Variants in SCG5 observed in about 807,000 individuals in gnomAD.
SCG5 encodes neuroendocrine protein 7B2.
A neutral mutation model predicts 25.7 loss-of-function variants in SCG5; 18 were observed. The observed-to-expected ratio is 0.70, with a 90% CI of 0.48 to 1.04. The LOEUF (loss-of-function observed/expected upper bound fraction) is 1.04. Among genes scored for constraint, SCG5 ranks in the 50% least tolerant of loss-of-function variants. The pLI is 0.00. For synonymous variants in SCG5, 101 were observed against 91.7 expected, an observed-to-expected ratio of 1.10 and a Z score of -0.58; for missense variants, 206 against 259.8, an observed-to-expected ratio of 0.79 and a Z score of 1.42.
intron 2 of SCG5, among the ~76,000 whole-genome samples, chr15:32,669,407 A>AACC (rs200312909): frequency 0.012 from 1,844 of 152,268 alleles, 40 homozygotes; most frequent in African/African-American, 0.043. Flanking sequence ...ACCGAATCCC[A>AACC]ACCACCACCA....
chr15:32,646,722 C>G (rs1420062586), intron 2 of SCG5, among the ~76,000 whole-genome samples: 1 of 152,200 alleles, frequency 6.6e-6, no homozygotes, highest in Non-Finnish European at 1.5e-5. Flanking sequence ...TTTTCCCAGT[C>G]TGGGACCTTG....
At chr15:32,671,422 A>T (rs533421407) in intron 2 of SCG5, among the ~76,000 whole-genome samples, 1 of 152,262 alleles carries the variant, frequency 6.6e-6, no homozygotes, top group East Asian at 1.9e-4. Context: ...GGAGTCAGAC[A>T]TCTAAAATAT....
intron 4 of SCG5, among the ~76,000 whole-genome samples, chr15:32,690,076 C>T (rs1282018438): frequency 3.9e-5 from 6 of 152,166 alleles, no homozygotes; most frequent in African/African-American, 1.4e-4. Flanking sequence ...CTCCTGACCT[C>T]GTGATCCTCC....
At chr15:32,687,747 T>G (rs950818463) in intron 4 of SCG5, among the ~76,000 whole-genome samples, 4 of 152,246 alleles carry the variant, frequency 2.6e-5, no homozygotes, top group Admixed American at 6.5e-5. Context: ...ATTCACATAT[T>G]ACACATTTCA....
intron 2 of SCG5, among the ~76,000 whole-genome samples, chr15:32,678,455 T>A (rs1192666642): frequency 6.6e-6 from 1 of 152,104 alleles, no homozygotes; most frequent in African/African-American, 2.4e-5. Flanking sequence ...CAGCTGGTAA[T>A]CAAAGACATT....
intron 2 of SCG5, among the ~76,000 whole-genome samples, chr15:32,667,129 C>G (rs1010279572): frequency 2.6e-5 from 4 of 151,814 alleles, no homozygotes; most frequent in African/African-American, 9.7e-5. Flanking sequence ...TTCACTATTT[C>G]TTTTTACTTT....
intron 3 of SCG5, among the ~76,000 whole-genome samples, chr15:32,683,471 CTTCT>C (rs1264866437): frequency 6.6e-6 from 1 of 152,170 alleles, no homozygotes; most frequent in Non-Finnish European, 1.5e-5. Context: ...GAGAGATAGC[CTTCT>C]TTCTTTGGTT....
At chr15:32,685,554 A>G (rs188330703) in intron 4 of SCG5, among the ~76,000 whole-genome samples, 5 of 152,328 alleles carry the variant, frequency 3.3e-5, no homozygotes, top group Admixed American at 2.6e-4. Flanking sequence ...ATTTTTATCA[A>G]TGTTTGTAAT....
intron 2 of SCG5, chr15:32,656,195 G>C (rs912853536): frequency 6.6e-6 from 1 of 152,186 alleles, no homozygotes; most frequent in Non-Finnish European, 1.5e-5. Flanking sequence ...AGTTCCTCAT[G>C]CAAATAGGCT....
At chr15:32,669,090 T>C (rs2054372617) in intron 2 of SCG5, 1 of 152,166 alleles carries the variant, frequency 6.6e-6, no homozygotes, top group Admixed American at 6.5e-5. Context: ...TTAAGAGAAT[T>C]ATCCCAGAAA....
At chr15:32,683,688 G>A (rs1240695014) in intron 3 of SCG5, among the ~76,000 whole-genome samples, 1 of 152,200 alleles carries the variant, frequency 6.6e-6, no homozygotes, top group Non-Finnish European at 1.5e-5. Flanking sequence ...CAAACTTGGA[G>A]AGACCAAGTT....
chr15:32,648,480 C>T (rs1178806477), intron 2 of SCG5, among the ~76,000 whole-genome samples: 2 of 152,088 alleles, frequency 1.3e-5, no homozygotes, highest in South Asian at 2.1e-4. Context: ...AGTTACAATT[C>T]CATTGGTGGC....
chr15:32,652,858 T>C, intron 2 of SCG5, among the ~76,000 whole-genome samples: 1 of 152,262 alleles, frequency 6.6e-6, no homozygotes, highest in African/African-American at 2.4e-5. Context: ...TTACTAGTTA[T>C]AGTATAAACT....
At chr15:32,659,175 CA>C (rs201195144) in intron 2 of SCG5, among the ~76,000 whole-genome samples, 6 of 145,678 alleles carry the variant, frequency 4.1e-5, no homozygotes, top group South Asian at 2.2e-4. Flanking sequence ...GACTCTGTCT[CA>C]AAAAAAAACA....
intron 5 of SCG5, 115 bp downstream of exon 5, chr15:32,691,878 C>T (rs944239309): frequency 2.0e-6 from 3 of 1,523,234 alleles, no homozygotes; most frequent in Non-Finnish European, 2.7e-6. Context: ...CTTGTGTAGT[C>T]CTGAGAAACA....
chr15:32,692,345 T>G, intron 5 of SCG5: 1 of 934,218 alleles, frequency 1.1e-6, no homozygotes, highest in Non-Finnish European at 1.3e-6. Context: ...AGGCTTAGTT[T>G]TTAACCATCC....
rs71113464 is a variant in SCG5 at position 32,657,220 on chromosome 15, T to TGTA, written c.226+13402_226+13403insGTA. 2.8e-5 allele frequency among the ~76,000 whole-genome samples: 3 copies of TGTA among 106,512 alleles called. 1 individual carries two copies. Among genetic ancestry groups the TGTA allele is most frequent in the African/African-American group, 9.2e-5 (3 of 32,648 alleles). The allele number at this position is 106,512 out of a possible 152,430, so 69.9% of individuals were successfully genotyped here. A position where few individuals can be genotyped will look rare whatever the true frequency, so the allele number is the denominator to read the frequency against. ...TCCTGTATATATATATATGTATGTATTTCCAGGTGTAAGTGGCTTTGGGAT... is the reference window on the plus strand; with the variant it reads ...TCCTGTATATATATATATGTATGTATGTATTCCAGGTGTAAGTGGCTTTGGGAT... On this transcript the variant is annotated intron_variant, in intron 2 of 5. Transcript: ENST00000300175.
chr15:32,668,810 A>G (rs532215478), intron 2 of SCG5, among the ~76,000 whole-genome samples: 1 of 152,340 alleles, frequency 6.6e-6, no homozygotes, highest in Admixed American at 6.5e-5. Flanking sequence ...TGGCTCAGCC[A>G]TTCATTGCTT....
chr15:32,666,931 G>T (rs1010475162), intron 2 of SCG5, among the ~76,000 whole-genome samples: 1 of 152,146 alleles, frequency 6.6e-6, no homozygotes, highest in Admixed American at 6.5e-5. Flanking sequence ...TATTCACCAC[G>T]CCCAAGAGGC....
Sources: allele counts gnomAD v4.1 joint callset (sites outside exome capture counted in the v4.1 genomes callset), GRCh38; gene constraint gnomAD v4.1.1; transcripts MANE v1.5; gene names NCBI Gene and HGNC (gene_info 2026-07-23, HGNC 2026-07-21).